HSD17B12: variants seen among roughly 807,000 people sequenced by gnomAD.
HSD17B12 encodes the protein hydroxysteroid 17-beta dehydrogenase 12, also known as very-long-chain 3-oxoacyl-CoA reductase.
In HSD17B12, 32 loss-of-function variants were observed where a neutral mutation model predicts 39.3. The ratio of observed to expected loss-of-function variants is 0.81; its 90% CI spans 0.61 to 1.09. HSD17B12 has a LOEUF of 1.09. HSD17B12 is among the 50% of genes least tolerant of loss of function. The pLI is 0.00. For missense variants in HSD17B12, 342 were observed against 382.9 expected, an observed-to-expected ratio of 0.89 and a Z score of 0.89; for synonymous variants, 150 against 146.7, an observed-to-expected ratio of 1.02 and a Z score of -0.16.
At chr11:43,672,989 A>G in the HSD17B12 span, 1 of 152,194 alleles carries the variant, frequency 6.6e-6, no homozygotes, top group African/African-American at 2.4e-5. Context: ...TTTTTAACCC[A>G]GGATTGGACA....
chr11:43,640,036 C>G, the HSD17B12 span, among the ~76,000 whole-genome samples: 1 of 151,930 alleles, frequency 6.6e-6, no homozygotes, highest in Non-Finnish European at 1.5e-5. Flanking sequence ...ATAAGCTTAA[C>G]TAAACTGTGA....
chr11:43,654,668 C>A, the HSD17B12 span, among the ~76,000 whole-genome samples: 2 of 152,170 alleles, frequency 1.3e-5, no homozygotes, highest in South Asian at 4.1e-4. Flanking sequence ...TTCCCCATTT[C>A]TTGATTTTGT....
the HSD17B12 span, among the ~76,000 whole-genome samples, chr11:43,635,514 C>T: frequency 6.6e-6 from 1 of 152,180 alleles, no homozygotes; most frequent in Admixed American, 6.5e-5. Context: ...TTACATATTA[C>T]ATCTTATTAT....
intron 1 of HSD17B12, among the ~76,000 whole-genome samples, chr11:43,689,571 G>T (rs1276457543): frequency 1.3e-5 from 2 of 151,882 alleles, no homozygotes; most frequent in Non-Finnish European, 2.9e-5. Context: ...TTTTGAAGCT[G>T]GGTCCTGCTC....
chr11:43,695,618 C>A (rs919459998), intron 1 of HSD17B12, among the ~76,000 whole-genome samples: 2 of 152,128 alleles, frequency 1.3e-5, no homozygotes, highest in African/African-American at 4.8e-5. Context: ...TAAATGATAT[C>A]TTTTAATGAT....
intron 1 of HSD17B12, among the ~76,000 whole-genome samples, chr11:43,683,870 A>G (rs1056496418): frequency 3.3e-5 from 5 of 152,142 alleles, no homozygotes; most frequent in African/African-American, 1.2e-4. Context: ...AGTATGTTTA[A>G]TCTGTCTGCC....
At chr11:43,563,613 G>A in the HSD17B12 span, among the ~76,000 whole-genome samples, 19 of 152,292 alleles carry the variant, frequency 1.2e-4, no homozygotes, top group Non-Finnish European at 2.4e-4. Context: ...CCAGGAGTTC[G>A]AGACCAGCCT....
intron 3 of HSD17B12, among the ~76,000 whole-genome samples, chr11:43,797,946 A>G (rs761485513): frequency 3.3e-5 from 5 of 152,238 alleles, no homozygotes; most frequent in Non-Finnish European, 7.3e-5. Context: ...ACAAAGCACC[A>G]ATTTACAATT....
intron 3 of HSD17B12, among the ~76,000 whole-genome samples, chr11:43,772,374 T>C (rs1056138874): frequency 3.3e-5 from 5 of 152,202 alleles, no homozygotes; most frequent in Admixed American, 6.5e-5. Context: ...TCTCAGCAAA[T>C]GATGAGTTAA....
the HSD17B12 span, chr11:43,569,598 A>G: frequency 1.3e-5 from 2 of 152,172 alleles, no homozygotes; most frequent in African/African-American, 2.4e-5. Context: ...CCCCTTGCCC[A>G]GCTGTAGCTT....
At chr11:43,841,080 T>G (rs1951421175) in intron 9 of HSD17B12, among the ~76,000 whole-genome samples, 1 of 152,210 alleles carries the variant, frequency 6.6e-6, no homozygotes, top group Admixed American at 6.5e-5. Context: ...ATAACGGGTA[T>G]GAAGTGGTAT....
At chr11:43,570,635 G>A in the HSD17B12 span, among the ~76,000 whole-genome samples, 1 of 152,160 alleles carries the variant, frequency 6.6e-6, no homozygotes, top group Non-Finnish European at 1.5e-5. Context: ...TCCTAGCCCA[G>A]ACATAGATGT....
chr11:43,567,166 T>C, the HSD17B12 span, among the ~76,000 whole-genome samples: 1 of 152,236 alleles, frequency 6.6e-6, no homozygotes, highest in Admixed American at 6.5e-5. Flanking sequence ...ATGACTCTTC[T>C]ATAAAAAGTT....
the HSD17B12 span, among the ~76,000 whole-genome samples, chr11:43,658,128 C>T: frequency 1.7e-3 from 254 of 152,282 alleles, 3 homozygotes; most frequent in African/African-American, 5.7e-3. Context: ...CTTCTCTTCA[C>T]GCTTCATTTC....
At chr11:43,576,746 TA>T in the HSD17B12 span, 1 of 151,696 alleles carries the variant, frequency 6.6e-6, no homozygotes, top group Non-Finnish European at 1.5e-5. Flanking sequence ...GACTAGGGGG[TA>T]AGGGGTGTAG....
At chr11:43,740,862 A>G (rs1221091278) in intron 1 of HSD17B12, among the ~76,000 whole-genome samples, 3 of 152,240 alleles carry the variant, frequency 2.0e-5, no homozygotes, top group Non-Finnish European at 4.4e-5. Flanking sequence ...ATTCTCCTGC[A>G]AAGGAAGAAG....
intron 9 of HSD17B12, chr11:43,852,579 C>T (rs528842030): frequency 3.9e-5 from 6 of 152,002 alleles, no homozygotes; most frequent in African/African-American, 9.6e-5. Context: ...CTCTTTCTTT[C>T]CTTACTGCTC....
At chr11:43,651,792 T>C in the HSD17B12 span, among the ~76,000 whole-genome samples, 1 of 152,166 alleles carries the variant, frequency 6.6e-6, no homozygotes, top group Non-Finnish European at 1.5e-5. Flanking sequence ...TTGGCCAGGC[T>C]GGTCTTGAAC....
intron 1 of HSD17B12, among the ~76,000 whole-genome samples, chr11:43,693,989 G>A (rs1438141597): frequency 3.3e-5 from 5 of 152,174 alleles, no homozygotes; most frequent in Non-Finnish European, 5.9e-5. Flanking sequence ...GTAAGGAGGC[G>A]ATGATCTCCT....
Sources: gnomAD v4.1 joint callset for allele counts (sites outside exome capture counted in the v4.1 genomes callset) on GRCh38, gnomAD v4.1.1 for gene constraint, MANE v1.5 for transcripts, NCBI Gene and HGNC (gene_info 2026-07-23, HGNC 2026-07-21) for gene names.